GOT1: variants seen among roughly 807,000 people sequenced by gnomAD.
GOT1 encodes glutamic-oxaloacetic transaminase 1.
In GOT1, 25 loss-of-function variants were observed where a neutral mutation model predicts 48.2. The ratio of observed to expected loss-of-function variants is 0.52; its 90% CI spans 0.38 to 0.72. GOT1 has a LOEUF of 0.72. Among genes scored for constraint, GOT1 ranks in the 30% least tolerant of loss-of-function variants. The pLI, the probability that GOT1 is intolerant of heterozygous loss-of-function variation, is 0.00. For missense variants in GOT1, 380 were observed against 520.1 expected (o/e 0.73, Z 2.62); for synonymous variants, 188 against 193.8 (o/e 0.97, Z 0.25).
intron 1 of GOT1, among the ~76,000 whole-genome samples, chr10:99,427,261 A>T: frequency 6.6e-6 from 1 of 151,698 alleles, no homozygotes; most frequent in Non-Finnish European, 1.5e-5. Context: ...AATCTTTTTT[A>T]TTTATTTATT....
intron 1 of GOT1, among the ~76,000 whole-genome samples, chr10:99,424,474 T>A (rs1186752984): frequency 1.3e-5 from 2 of 152,180 alleles, no homozygotes; most frequent in African/African-American, 4.8e-5. Flanking sequence ...TTTGGGATGT[T>A]TATAGAAAAA....
chr10:99,419,203 G>A (rs2032936645), intron 2 of GOT1, among the ~76,000 whole-genome samples: 1 of 152,302 alleles, frequency 6.6e-6, no homozygotes, highest in South Asian at 2.1e-4. Context: ...TTTCCTCAAT[G>A]CATGAATTAC....
At chr10:99,407,969 A>C (rs2134099813) in intron 2 of GOT1, among the ~76,000 whole-genome samples, 1 of 151,096 alleles carries the variant, frequency 6.6e-6, no homozygotes, top group East Asian at 2.0e-4. Flanking sequence ...CTTGCCTCCC[A>C]CCCACCGATA....
chr10:99,430,346 C>T, intron 1 of GOT1, 102 bp downstream of exon 1: 1 of 1,606,406 alleles, frequency 6.2e-7, no homozygotes, highest in Non-Finnish European at 8.5e-7. Flanking sequence ...CCTCTTCAGG[C>T]AGCGCCACAC....
intron 3 of GOT1, 84 bp from the exon 4 acceptor site, chr10:99,406,333 C>G (rs925755566): frequency 6.4e-6 from 6 of 936,386 alleles, no homozygotes; most frequent in African/African-American, 4.8e-5. Context: ...CTTCCAGGGC[C>G]CTCCCAGGCT....
chr10:99,406,184 C>T lies in GOT1; in HGVS notation c.490G>A (p.Ala164Thr). 6.2e-7 allele frequency: 1 copy of T among 1,613,900 alleles called. No individual in the cohort carries two copies. Among genetic ancestry groups the T allele is most frequent in the Non-Finnish European group, 8.5e-7 (1 of 1,179,732 alleles). The change falls in exon 4 of 9, where the codon GCA (alanine) becomes ACA (threonine). Residue 164 changes from alanine to threonine, a missense_variant. By Grantham distance (58) the Ala-to-Thr change is moderately conservative. Coordinates refer to ENST00000370508, the MANE Select transcript of GOT1 (RefSeq NM_002079.3). ...KDIRSYRYWD[A>T]EKRGLDLQGF... ...TGGAGGTCCAATCCTCTCTTCTCTG[C>T]ATCCCAGTAGCGATAGGACCGAATG... is the stretch of plus-strand genomic sequence containing the variant.
Position 99,402,596 on chromosome 10 carries a change from G to A in GOT1, c.1086C>T (p.Ser362=), listed in dbSNP as rs142758722. 884 of 1,614,210 alleles carry A rather than the reference G, an allele frequency of 5.5e-4. 4 individuals are homozygous for A. The Middle Eastern group carries it at 6.6e-3, about 12-fold the overall frequency. Residue 362 remains serine (S), a synonymous_variant, in exon 8 of 9, where the codon AGC becomes AGT. Coordinates refer to ENST00000370508, the MANE Select transcript of GOT1 (RefSeq NM_002079.3). ...NHITDQIGMF[S]FTGLNPKQVE... ...GCCACTTACGGTTCAACCCAGTGAA[G>A]CTGAACATGCCAATTTGATCAGTGA...
At chr10:99,426,221 C>T (rs1680024184) in intron 1 of GOT1, among the ~76,000 whole-genome samples, 1 of 152,164 alleles carries the variant, frequency 6.6e-6, no homozygotes, top group Admixed American at 6.5e-5. Flanking sequence ...TGCTCCCCAG[C>T]TCCATGCCCC....
At chr10:99,415,312 A>G (rs1452479232) in intron 2 of GOT1, among the ~76,000 whole-genome samples, 8 of 152,310 alleles carry the variant, frequency 5.3e-5, no homozygotes, top group Admixed American at 1.3e-4. Flanking sequence ...TACTATAAAC[A>G]CCTCTATGGA....
chr10:99,422,949 C>T (rs555726070), intron 1 of GOT1, among the ~76,000 whole-genome samples: 6 of 152,338 alleles, frequency 3.9e-5, no homozygotes, highest in South Asian at 4.1e-4. Flanking sequence ...CTTCAGTGAA[C>T]GACCCTGTAC....
intron 2 of GOT1, among the ~76,000 whole-genome samples, chr10:99,415,936 G>A (rs13377085): frequency 0.069 from 10,531 of 152,104 alleles, 1,148 homozygotes; most frequent in African/African-American, 0.23. Flanking sequence ...TTGATGGGAC[G>A]TATCTCAAAA....
At chr10:99,420,517 T>C (rs954249337) in intron 2 of GOT1, 107 bp downstream of exon 2, 5 of 804,444 alleles carry the variant, frequency 6.2e-6, no homozygotes, top group Non-Finnish European at 9.7e-6. Context: ...CACTTATTCA[T>C]TGGCAGTTCA....
In GOT1 at chr10:99,403,541, C is replaced by T. The variant is rs200523671; in HGVS notation, c.887G>A (p.Trp296Ter). 11 of 1,614,096 alleles carry T rather than the reference C, an allele frequency of 6.8e-6. No homozygotes were observed. The highest frequency in any genetic ancestry group is 1.3e-5 in the African/African-American group (1 of 75,042). Reference sequence around the variant, plus strand: ...TGCTCCCTGGGCGGGGGGATTGGACCAAGTAATCCGCACGATCTTCTCCAT... The same window carrying T: ...TGCTCCCTGGGCGGGGGGATTGGACTAAGTAATCCGCACGATCTTCTCCAT... ...SQMEKIVRIT[W>*]SNPPAQGARI... The change falls in exon 7 of 9, where the codon TGG becomes TAG. Residue 296 changes from tryptophan to a stop codon, truncating the protein, a stop_gained. Transcript: ENST00000370508. LOFTEE classifies it high-confidence loss of function.
At chr10:99,410,265 G>A (rs9971275) in intron 2 of GOT1, among the ~76,000 whole-genome samples, 10,342 of 152,228 alleles carry the variant, frequency 0.068, 428 homozygotes, top group Middle Eastern at 0.11. Flanking sequence ...TTGAATGTCA[G>A]TTTCATACAT....
In GOT1 at chr10:99,406,203, C is replaced by T; in HGVS notation, c.471G>A (p.Arg157=). Residue 157 remains arginine (R), a synonymous_variant, in exon 4 of 9, where the codon CGG becomes CGA. Transcript: ENST00000370508. ...VFSAAGFKDI[R]SYRYWDAEKR... ...TCTCTGCATCCCAGTAGCGATAGGA[C>T]CGAATGTCTTTAAAACCAGCAGCGG... 1 of 1,614,012 alleles carries T rather than the reference C, an allele frequency of 6.2e-7. No individual in the cohort carries two copies.
chr10:99,406,102 A>G (rs765441451), intron 4 of GOT1, 35 bp downstream of exon 4: 17 of 1,373,284 alleles, frequency 1.2e-5, no homozygotes. Flanking sequence ...TCCTGACACC[A>G]TGCAATTCTC....
rs1391532434 is a variant in GOT1, at chr10:99,420,768, T to G, written c.156A>C (p.Pro52=). 6.2e-7 allele frequency: 1 copy of G among 1,614,006 alleles called. No individual in the cohort carries two copies. Among genetic ancestry groups the G allele is most frequent in the African/African-American group, 1.3e-5 (1 of 75,004 alleles). Residue 52 remains proline (P), a synonymous_variant, in exon 2 of 9, where the codon CCA becomes CCC. Transcript: ENST00000370508. ...TCTTCTGCTCCACTTTCTTCACTAC[T>G]GGCAAAACCCAGGGATGGCAGTCAT... ...RTDDCHPWVL[P]VVKKVEQKIA... is the part of the protein sequence containing the mutation.
intron 5 of GOT1, among the ~76,000 whole-genome samples, chr10:99,405,520 G>GAT (rs1554946798): frequency 2.8e-5 from 4 of 143,500 alleles, no homozygotes; most frequent in Non-Finnish European, 6.1e-5. Context: ...CATAAAACTA[G>GAT]ACACACACAC....
Position 99,426,625 on chromosome 10 carries a change from G to A in GOT1, c.118+3823C>T, listed in dbSNP as rs188137536. Among the ~76,000 whole-genome samples the A allele has an allele frequency of 8.1e-4, 123 of 152,282 alleles. 1 individual carries two copies. The highest frequency in any genetic ancestry group is 2.9e-3 in the African/African-American group (121 of 41,562). ...TCTTGCTACAGGTTGCACCAGGTTGGATCCATTTCCCATGTCCTTAAAACC... is the reference window on the plus strand; with the variant it reads ...TCTTGCTACAGGTTGCACCAGGTTGAATCCATTTCCCATGTCCTTAAAACC... On this transcript the variant is annotated intron_variant, in intron 1 of 8. Coordinates refer to ENST00000370508, the MANE Select transcript of GOT1 (RefSeq NM_002079.3).
Sources: gnomAD v4.1 joint callset for allele counts (sites outside exome capture counted in the v4.1 genomes callset) on GRCh38, gnomAD v4.1.1 for gene constraint, MANE v1.5 for transcripts, NCBI Gene and HGNC (gene_info 2026-07-23, HGNC 2026-07-21) for gene names.